Variants in ANKFN1 observed in about 807,000 individuals in gnomAD.
The protein encoded by ANKFN1 is ankyrin repeat and fibronectin type-III domain-containing protein 1.
Under a neutral mutation model 108.7 loss-of-function variants are expected in ANKFN1, and 74 were observed. The observed-to-expected ratio is 0.68, with a 90% confidence interval of 0.56 to 0.83. The LOEUF is 0.83. Among genes scored for constraint, ANKFN1 ranks in the 40% least tolerant of loss-of-function variants. The probability of loss-of-function intolerance (pLI) is 0.00; values close to 1 mark genes in which losing one functional copy is unlikely to be tolerated. For missense variants in ANKFN1, 1,505 were observed against 1,382.3 expected (o/e 1.09, Z -1.41); for synonymous variants, 547 against 516.2 (o/e 1.06, Z -0.81).
In ANKFN1 at chr17:56,372,654, C is replaced by T. The variant is rs1401794254; in HGVS notation, c.610C>T (p.Leu204=). The T allele has an allele frequency of 8.7e-6, 14 of 1,611,268 alleles. No individual in the cohort carries two copies. The highest frequency in any genetic ancestry group is 1.2e-5 in the Non-Finnish European group (14 of 1,179,430). Residue 204 remains leucine (L), a synonymous_variant, in exon 7 of 21, where the codon CTG becomes TTG. Transcript: ENST00000682825. ...GARESPHFVS[L]ESRAMHLNTL... is the part of the protein sequence containing the mutation. ...CATTTCTTTCCCTTTAGTTGTCAGC[C>T]TGGAAAGCCGAGCAATGCACCTCAA...
chr17:56,311,686 A>G (rs1387037164), intron 3 of ANKFN1, among the ~76,000 whole-genome samples: 1 of 152,200 alleles, frequency 6.6e-6, no homozygotes, highest in Non-Finnish European at 1.5e-5. Flanking sequence ...GTGTACACAA[A>G]CTTTGCTTCA....
chr17:56,460,699 T>A (rs972758986), intron 14 of ANKFN1, among the ~76,000 whole-genome samples: 2 of 151,996 alleles, frequency 1.3e-5, no homozygotes, highest in Non-Finnish European at 2.9e-5. Context: ...TTTCCTACCA[T>A]AAGTTCATTC....
At chr17:56,478,947 AATG>A (rs1294035505) in intron 16 of ANKFN1, among the ~76,000 whole-genome samples, 1 of 152,162 alleles carries the variant, frequency 6.6e-6, no homozygotes, top group African/African-American at 2.4e-5. Flanking sequence ...CAATGGAGGA[AATG>A]ATGATGAGGA....
At chr17:56,412,889 C>A (rs2048135399) in intron 8 of ANKFN1, among the ~76,000 whole-genome samples, 1 of 152,098 alleles carries the variant, frequency 6.6e-6, no homozygotes, top group Non-Finnish European at 1.5e-5. Context: ...TCCAGAGAAC[C>A]CTGACAGTGT....
chr17:56,498,741 T>TA, intron 19 of ANKFN1, 141 bp from the exon 20 acceptor site: 1 of 695,264 alleles, frequency 1.4e-6, no homozygotes, highest in Non-Finnish European at 2.4e-6. Flanking sequence ...TTTTCTGGCT[T>TA]AACAAATCTA....
Position 56,412,251 on chromosome 17 carries a change from T to C in ANKFN1, c.911-28076T>C, listed in dbSNP as rs150506223. 3.9e-5 allele frequency among the ~76,000 whole-genome samples: 6 copies of C among 152,356 alleles called. No homozygotes were observed. The East Asian group carries it at 1.2e-3, about 29-fold the overall frequency. On this transcript the variant is annotated intron_variant, in intron 8 of 20. Transcript: ENST00000682825. Reference sequence around the variant, plus strand: ...GGAATTCGCCATTTCTTCTAGATTATCTAATTTCTTGGACTATAGTTGTTC... The same window carrying C: ...GGAATTCGCCATTTCTTCTAGATTACCTAATTTCTTGGACTATAGTTGTTC...
intron 8 of ANKFN1, among the ~76,000 whole-genome samples, chr17:56,433,844 C>A (rs1275350637): frequency 1.4e-5 from 2 of 146,666 alleles, no homozygotes; most frequent in African/African-American, 5.2e-5. Flanking sequence ...AAAAAAAAAA[C>A]TGTAACAGTC....
intron 6 of ANKFN1, among the ~76,000 whole-genome samples, chr17:56,370,012 CA>C (rs2046767120): frequency 6.6e-6 from 1 of 152,160 alleles, no homozygotes; most frequent in South Asian, 2.1e-4. Context: ...TATGCTTAAT[CA>C]AAATCTGCAT....
intron 15 of ANKFN1, chr17:56,473,129 A>G (rs1304267069): frequency 1.3e-5 from 2 of 152,188 alleles, no homozygotes; most frequent in African/African-American, 4.8e-5. Context: ...GATGTCATCA[A>G]TATCCTAGCC....
chr17:56,483,026 A>G (rs1269363591), intron 18 of ANKFN1, among the ~76,000 whole-genome samples: 1 of 152,170 alleles, frequency 6.6e-6, no homozygotes, highest in Non-Finnish European at 1.5e-5. Flanking sequence ...AAAAAAGCCT[A>G]CAATTTTAAG....
At chr17:56,391,558 C>G (rs1462580134) in intron 8 of ANKFN1, among the ~76,000 whole-genome samples, 1 of 151,726 alleles carries the variant, frequency 6.6e-6, no homozygotes, top group Non-Finnish European at 1.5e-5. Context: ...TCTGGAGTAG[C>G]TGGGATTACA....
intron 8 of ANKFN1, among the ~76,000 whole-genome samples, chr17:56,427,165 G>C (rs559328416): frequency 6.6e-6 from 1 of 152,298 alleles, no homozygotes; most frequent in East Asian, 1.9e-4. Flanking sequence ...AGGAACCGCT[G>C]CTACTTCGGA....
intron 18 of ANKFN1, among the ~76,000 whole-genome samples, chr17:56,486,170 G>T (rs985175319): frequency 1.8e-4 from 27 of 152,104 alleles, no homozygotes; most frequent in Non-Finnish European, 3.7e-4. Context: ...CTTTAAGATG[G>T]TTTTTTCCTA....
At chr17:56,447,854 G>A (rs557800576) in intron 10 of ANKFN1, among the ~76,000 whole-genome samples, 1 of 152,250 alleles carries the variant, frequency 6.6e-6, no homozygotes, top group South Asian at 2.1e-4. Context: ...TAAGTAACTT[G>A]CCTGCAGACA....
chr17:56,420,852 C>T (rs990730140), intron 8 of ANKFN1, among the ~76,000 whole-genome samples: 1 of 151,948 alleles, frequency 6.6e-6, no homozygotes, highest in South Asian at 2.1e-4. Context: ...GGACTACAGG[C>T]GCCCGCCACC....
chr17:56,073,484 G>A (rs898350572), intron 4 of ANKFN1, among the ~76,000 whole-genome samples: 8 of 152,158 alleles, frequency 5.3e-5, no homozygotes, highest in Non-Finnish European at 1.0e-4. Context: ...TTCAAAGGAA[G>A]CAGCAGACTT....
intron 3 of ANKFN1, among the ~76,000 whole-genome samples, chr17:56,307,863 T>C (rs923036596): frequency 1.3e-5 from 2 of 152,074 alleles, no homozygotes; most frequent in Admixed American, 1.3e-4. Context: ...ATTAAGAAAA[T>C]GTGGCACATA....
intron 16 of ANKFN1, among the ~76,000 whole-genome samples, chr17:56,477,917 TCC>T (rs1383414143): frequency 6.6e-6 from 1 of 152,156 alleles, no homozygotes; most frequent in African/African-American, 2.4e-5. Context: ...AACCTCTGCT[TCC>T]CAGATTCAAA....
intron 8 of ANKFN1, among the ~76,000 whole-genome samples, chr17:56,435,255 C>T (rs1389341067): frequency 6.6e-6 from 1 of 152,110 alleles, no homozygotes; most frequent in Non-Finnish European, 1.5e-5. Flanking sequence ...ATTTACTGAG[C>T]CACCTACACT....
Sources: allele counts gnomAD v4.1 joint callset (sites outside exome capture counted in the v4.1 genomes callset), GRCh38; gene constraint gnomAD v4.1.1; transcripts MANE v1.5; gene names NCBI Gene and HGNC (gene_info 2026-07-23, HGNC 2026-07-21).